Variants in CFAP161 observed in about 807,000 individuals in gnomAD.
CFAP161 encodes the protein cilia- and flagella-associated protein 161.
In CFAP161, 25 loss-of-function variants were observed where a neutral mutation model predicts 29.0. That is an observed-to-expected ratio of 0.86 (90% CI 0.63 to 1.20). The LOEUF is 1.20. Among genes scored for constraint, CFAP161 ranks in the 50% most tolerant of loss-of-function variants. The pLI is 0.00. For synonymous variants in CFAP161, 116 were observed against 137.4 expected (o/e 0.84, Z 1.09); for missense variants, 367 against 371.9 (o/e 0.99, Z 0.11).
chr15:81,146,420 C>T (rs1054348049), intron 5 of CFAP161, among the ~76,000 whole-genome samples: 5 of 152,108 alleles, frequency 3.3e-5, no homozygotes, highest in African/African-American at 9.7e-5. Context: ...TTTCTTTTTA[C>T]AAGATAGGAC....
Position 81,102,679 on chromosome 15 carries a change from AAAGT to A in CFAP161, c.-141-24907_-141-24904del, listed in dbSNP as rs368626014. Among the ~76,000 whole-genome samples the A allele has an allele frequency of 5.9e-3, 902 of 152,276 alleles. 10 individuals are homozygous for A. The highest frequency in any genetic ancestry group is 0.021 in the African/African-American group (864 of 41,532). On this transcript the variant is annotated intron_variant, in intron 1 of 4. Coordinates refer to the CFAP161 transcript ENST00000560091. ...TGAGATCCTGTTTCAAAAAAATTAA[AAAGT>A]AAGCCACAGATATTTTATAGATATG... is the stretch of plus-strand genomic sequence containing the variant.
At chr15:81,146,751 C>T (rs3897730) in intron 5 of CFAP161, among the ~76,000 whole-genome samples, 1 of 148,142 alleles carries the variant, frequency 6.8e-6, no homozygotes, top group African/African-American at 2.5e-5. Context: ...CCTAAACTCA[C>T]TATGTCAAAG....
Position 81,108,340 on chromosome 15 carries a change from A to AT in CFAP161, c.-141-19238dup, listed in dbSNP as rs34438904. On this transcript the variant is annotated intron_variant, in intron 1 of 4. Coordinates refer to the CFAP161 transcript ENST00000560091. ...TTTTTCTGAAGCCATAAGGGCCAGC[A>AT]TTTTTTTTTTTTCCCAACCAGCAAC... is the stretch of plus-strand genomic sequence containing the variant. Among the ~76,000 whole-genome samples the AT allele has an allele frequency of 3.5e-3, 515 of 146,742 alleles. 2 individuals carry two copies. Among genetic ancestry groups the AT allele is most frequent in the African/African-American group, 8.4e-3 (341 of 40,572 alleles).
intron 1 of CFAP161, among the ~76,000 whole-genome samples, chr15:81,111,965 A>G (rs575422205): frequency 6.6e-6 from 1 of 152,352 alleles, no homozygotes; most frequent in East Asian, 1.9e-4. Flanking sequence ...CATTAATTCA[A>G]GGATCTGAGA....
intron 1 of CFAP161, among the ~76,000 whole-genome samples, chr15:81,120,189 C>G (rs1342232517): frequency 6.6e-6 from 1 of 152,140 alleles, no homozygotes; most frequent in African/African-American, 2.4e-5. Flanking sequence ...TTTAGATAAC[C>G]TGGAACTCAA....
intron 1 of CFAP161, among the ~76,000 whole-genome samples, chr15:81,110,391 C>T (rs1894425660): frequency 6.6e-6 from 1 of 152,006 alleles, no homozygotes; most frequent in South Asian, 2.1e-4. Context: ...TTGAAGCCCC[C>T]CACTCCCTCC....
At chr15:81,132,485 A>C (rs1894724678), upstream of CFAP161, among the ~76,000 whole-genome samples, 1 of 152,258 alleles carries the variant, frequency 6.6e-6, no homozygotes, top group Non-Finnish European at 1.5e-5. Flanking sequence ...AACACAAAGC[A>C]GTAATTTGTG....
intron 1 of CFAP161, among the ~76,000 whole-genome samples, chr15:81,111,660 C>G (rs1327223444): frequency 6.6e-6 from 1 of 152,176 alleles, no homozygotes; most frequent in Non-Finnish European, 1.5e-5. Context: ...CCCATCATCT[C>G]CCCTCTGCCT....
intron 4 of CFAP161, among the ~76,000 whole-genome samples, chr15:81,142,586 A>G (rs1894929867): frequency 6.6e-6 from 1 of 152,156 alleles, no homozygotes; most frequent in Non-Finnish European, 1.5e-5. Context: ...CTCCCTAACC[A>G]GAAAGCTGCA....
rs189026929 is a variant in CFAP161, at chr15:81,115,907, C to T, written c.-141-11683C>T. Among the ~76,000 whole-genome samples the T allele has an allele frequency of 4.1e-4, 61 of 148,566 alleles. 3 individuals carry two copies. The highest frequency in any genetic ancestry group is 3.2e-3 in the Admixed American group (48 of 14,796). On this transcript the variant is annotated intron_variant, in intron 1 of 4. Transcript: ENST00000560091. ...TTCACTATGTTGCCCAGGCTGATTG[C>T]GAGCTCCTGGGCTCAAGCAATACTC... is the stretch of plus-strand genomic sequence containing the variant.
chr15:81,106,459 C>T (rs1238200089), intron 1 of CFAP161, among the ~76,000 whole-genome samples: 4 of 152,126 alleles, frequency 2.6e-5, no homozygotes, highest in East Asian at 1.9e-4. Flanking sequence ...CATGAGCCAC[C>T]GTGCCCGGCT....
chr15:81,124,334 A>T (rs1894613315), intron 1 of CFAP161, among the ~76,000 whole-genome samples: 1 of 152,212 alleles, frequency 6.6e-6, no homozygotes, highest in Admixed American at 6.5e-5. Flanking sequence ...GCATATGTTG[A>T]ACCAACATTA....
chr15:81,100,047 G>A (rs538893381), intron 1 of CFAP161, among the ~76,000 whole-genome samples: 4 of 151,836 alleles, frequency 2.6e-5, no homozygotes, highest in Non-Finnish European at 5.9e-5. Flanking sequence ...ATTTAAAGCA[G>A]TTTGCAAACA....
chr15:81,113,993 A>G (rs1422411330), intron 1 of CFAP161, among the ~76,000 whole-genome samples: 25 of 152,252 alleles, frequency 1.6e-4, no homozygotes, highest in Admixed American at 1.6e-3. Flanking sequence ...GGAAATTCCA[A>G]GGGTTTTAGG....
chr15:81,106,796 T>C (rs1201499294), intron 1 of CFAP161, among the ~76,000 whole-genome samples: 1 of 152,178 alleles, frequency 6.6e-6, no homozygotes, highest in Non-Finnish European at 1.5e-5. Context: ...GGCTGTGTGG[T>C]GGCTCAAGCC....
intron 1 of CFAP161, among the ~76,000 whole-genome samples, chr15:81,107,179 G>A (rs1241910296): frequency 1.3e-5 from 2 of 152,232 alleles, no homozygotes; most frequent in Non-Finnish European, 2.9e-5. Context: ...TTGGTCTGCT[G>A]TCAGACTTTT....
In CFAP161 at chr15:81,127,051, A is replaced by C. The variant is rs905310393; in HGVS notation, c.-141-539A>C. Among the ~76,000 whole-genome samples the C allele has an allele frequency of 3.3e-5, 5 of 152,222 alleles. No homozygotes were observed. In the East Asian group the frequency reaches 9.6e-4, roughly 29 times the overall value. ...AATTTGCCTATCAGTTTGAAAATGTACACAAGAACAGGCCATAATATGTAG... is the reference window on the plus strand; with the variant it reads ...AATTTGCCTATCAGTTTGAAAATGTCCACAAGAACAGGCCATAATATGTAG... On this transcript the variant is annotated intron_variant, in intron 1 of 4. Transcript: ENST00000560091.
rs544336350 is a variant in CFAP161, at chr15:81,138,527, A to C, written c.477+392A>C. ...GACAACTTTTTTATTTAAACTTTTGATGATCAGACTTTTGCTTAGTATGGG... is the reference window on the plus strand; with the variant it reads ...GACAACTTTTTTATTTAAACTTTTGCTGATCAGACTTTTGCTTAGTATGGG... On this transcript the variant is annotated intron_variant, in intron 4 of 6. Transcript: ENST00000286732. Among the ~76,000 whole-genome samples the C allele has an allele frequency of 4.6e-5, 7 of 152,342 alleles. No individual in the cohort carries two copies. The South Asian group carries it at 1.4e-3, about 32-fold the overall frequency.
chr15:81,144,858 T>C (rs1392041636), intron 5 of CFAP161, among the ~76,000 whole-genome samples: 1 of 151,482 alleles, frequency 6.6e-6, no homozygotes, highest in Admixed American at 6.6e-5. Flanking sequence ...GGTAGCCACA[T>C]AGTCAATGCA....
Sources: allele counts gnomAD v4.1 joint callset (sites outside exome capture counted in the v4.1 genomes callset), GRCh38; gene constraint gnomAD v4.1.1; transcripts MANE v1.5; gene names NCBI Gene and HGNC (gene_info 2026-07-23, HGNC 2026-07-21).